The following EYA4 variants were observed in gnomAD, a reference collection of about 807,000 sequenced individuals.
EYA4 encodes EYA transcriptional coactivator and phosphatase 4, also known as protein phosphatase EYA4.
EYA4 carries 31 observed loss-of-function variants against 87.9 expected under a neutral mutation model. The ratio of observed to expected loss-of-function variants is 0.35; its 90% CI spans 0.27 to 0.48. The LOEUF (loss-of-function observed/expected upper bound fraction) is 0.48, where lower values mean the gene tolerates loss of function less well. Ranked by LOEUF, EYA4 falls within the 20% of genes least tolerant of loss-of-function variation. EYA4 has a pLI of 0.99. For missense variants in EYA4, 678 were observed against 761.4 expected (o/e 0.89, Z 1.29); for synonymous variants, 263 against 270.6 (o/e 0.97, Z 0.28).
intron 2 of EYA4, among the ~76,000 whole-genome samples, chr6:133,334,407 T>C (rs894371660): frequency 1.3e-5 from 2 of 152,232 alleles, no homozygotes; most frequent in African/African-American, 4.8e-5. Flanking sequence ...TCTTTCAATG[T>C]GATTTGTTCA....
At chr6:133,287,296 C>A (rs546567348) in intron 2 of EYA4, among the ~76,000 whole-genome samples, 1 of 152,182 alleles carries the variant, frequency 6.6e-6, no homozygotes, top group Admixed American at 6.5e-5. Flanking sequence ...CAATAAAAGA[C>A]AAGAAAGGAA....
chr6:133,508,462 G>A (rs1275847299), intron 14 of EYA4, among the ~76,000 whole-genome samples: 1 of 151,984 alleles, frequency 6.6e-6, no homozygotes, highest in Non-Finnish European at 1.5e-5. Context: ...GAGTTGCATT[G>A]TAAAGAGGAT....
chr6:133,454,870 G>A (rs1793768403), intron 5 of EYA4, among the ~76,000 whole-genome samples: 2 of 152,002 alleles, frequency 1.3e-5, no homozygotes, highest in Non-Finnish European at 2.9e-5. Context: ...ACTGTCATGA[G>A]CATAAGCTAT....
chr6:133,365,132 A>T (rs1487832356), intron 2 of EYA4, among the ~76,000 whole-genome samples: 1 of 152,176 alleles, frequency 6.6e-6, no homozygotes, highest in Non-Finnish European at 1.5e-5. Context: ...ATTCTGGTTC[A>T]GCCTCTTGAG....
intron 3 of EYA4, among the ~76,000 whole-genome samples, chr6:133,396,663 CAAT>C (rs375414572): frequency 2.5e-3 from 376 of 152,102 alleles, no homozygotes; most frequent in African/African-American, 8.7e-3. Context: ...TAAAGAGAAA[CAAT>C]GATGAAAACC....
intron 13 of EYA4, among the ~76,000 whole-genome samples, chr6:133,503,465 A>G (rs1251330842): frequency 6.6e-6 from 1 of 152,224 alleles, no homozygotes; most frequent in Non-Finnish European, 1.5e-5. Context: ...CCTATCTGAA[A>G]TATATATCTT....
At chr6:133,449,432 A>G (rs1793180037) in intron 5 of EYA4, among the ~76,000 whole-genome samples, 1 of 152,250 alleles carries the variant, frequency 6.6e-6, no homozygotes, top group Non-Finnish European at 1.5e-5. Context: ...AAGCAACATT[A>G]TAATAGTGAA....
At chr6:133,296,232 G>T (rs987281347) in intron 2 of EYA4, among the ~76,000 whole-genome samples, 1 of 152,212 alleles carries the variant, frequency 6.6e-6, no homozygotes, top group African/African-American at 2.4e-5. Flanking sequence ...CAGAGTGAGT[G>T]TTGGGGAGAG....
At chr6:133,317,489 G>A (rs1168518764) in intron 2 of EYA4, among the ~76,000 whole-genome samples, 1 of 151,940 alleles carries the variant, frequency 6.6e-6, no homozygotes, top group Non-Finnish European at 1.5e-5. Context: ...ATGTATTTCT[G>A]CTCTCTTTGC....
chr6:133,397,282 A>G (rs556672397), intron 3 of EYA4, among the ~76,000 whole-genome samples: 132 of 152,300 alleles, frequency 8.7e-4, no homozygotes, highest in Admixed American at 3.7e-3. Context: ...GAAAGAGTCA[A>G]TAAGCTCCAG....
At chr6:133,491,199 C>T (rs1285627288) in intron 13 of EYA4, among the ~76,000 whole-genome samples, 1 of 151,908 alleles carries the variant, frequency 6.6e-6, no homozygotes, top group Non-Finnish European at 1.5e-5. Flanking sequence ...CTATGGAATA[C>T]AGTGAAAGCA....
chr6:133,418,346 C>A (rs1035729331), intron 3 of EYA4, among the ~76,000 whole-genome samples: 26 of 152,224 alleles, frequency 1.7e-4, no homozygotes, highest in East Asian at 1.2e-3. Flanking sequence ...TCTCTTTGGG[C>A]TTTGTTAGGC....
intron 11 of EYA4, among the ~76,000 whole-genome samples, chr6:133,477,854 A>C (rs1282670780): frequency 6.6e-6 from 1 of 152,072 alleles, no homozygotes; most frequent in Non-Finnish European, 1.5e-5. Flanking sequence ...ATATACACAC[A>C]TAAATATATA....
intron 3 of EYA4, among the ~76,000 whole-genome samples, chr6:133,390,957 A>C (rs1472722411): frequency 1.3e-5 from 2 of 152,204 alleles, no homozygotes; most frequent in African/African-American, 4.8e-5. Flanking sequence ...AAGAGAACTC[A>C]CAGTGAGGTA....
intron 2 of EYA4, among the ~76,000 whole-genome samples, chr6:133,357,357 CAAAGA>C (rs950392087): frequency 6.7e-6 from 1 of 150,252 alleles, no homozygotes; most frequent in African/African-American, 2.5e-5. Context: ...TATTTCCTAG[CAAAGA>C]AAAGGGGGGA....
At chr6:133,499,744 T>A (rs909742797) in intron 13 of EYA4, among the ~76,000 whole-genome samples, 1 of 152,076 alleles carries the variant, frequency 6.6e-6, no homozygotes, top group Non-Finnish European at 1.5e-5. Context: ...CACAGAATGA[T>A]CTTTATGGAG....
At chr6:133,343,716 T>C (rs75403685) in intron 2 of EYA4, among the ~76,000 whole-genome samples, 6,203 of 151,994 alleles carry the variant, frequency 0.041, 393 homozygotes, top group African/African-American at 0.14. Context: ...TACATATTCA[T>C]TTTCCTGTTT....
chr6:133,328,687 A>T (rs1393085200), intron 2 of EYA4, among the ~76,000 whole-genome samples: 3 of 149,188 alleles, frequency 2.0e-5, no homozygotes, highest in African/African-American at 7.3e-5. Context: ...TTTTGTATGG[A>T]TAGACAAATA....
chr6:133,465,266 A>G (rs966878060), intron 10 of EYA4, among the ~76,000 whole-genome samples: 2 of 152,196 alleles, frequency 1.3e-5, no homozygotes, highest in African/African-American at 2.4e-5. Flanking sequence ...ACTACAGACT[A>G]TATAACATTT....
Sources: gnomAD v4.1 joint callset for allele counts (sites outside exome capture counted in the v4.1 genomes callset) on GRCh38, gnomAD v4.1.1 for gene constraint, MANE v1.5 for transcripts, NCBI Gene and HGNC (gene_info 2026-07-23, HGNC 2026-07-21) for gene names.